Variants in ICAM5 observed in about 807,000 individuals in gnomAD.
ICAM5 encodes the protein ICAM-5.
In ICAM5, 38 loss-of-function variants were observed where a neutral mutation model predicts 78.8. The ratio of observed to expected loss-of-function variants is 0.48; its 90% CI spans 0.37 to 0.63. The LOEUF (loss-of-function observed/expected upper bound fraction) is 0.63. Among genes scored for constraint, ICAM5 ranks in the 30% least tolerant of loss-of-function variants. The probability of loss-of-function intolerance (pLI) is 0.00; values close to 1 mark genes in which losing one functional copy is unlikely to be tolerated. For missense variants in ICAM5, 1,059 were observed against 1,303.0 expected (o/e 0.81, Z 2.88); for synonymous variants, 544 against 590.9 (o/e 0.92, Z 1.15).
In ICAM5 at chr19:10,292,083, T is replaced by C. The variant is rs750136766; in HGVS notation, c.722T>C (p.Val241Ala). Residue 241 changes from valine (V) to alanine (A), a missense_variant, in exon 4 of 11, where the codon GTT becomes GCT. Val to Ala is a moderately conservative substitution (Grantham distance 64). Coordinates refer to ENST00000221980, the MANE Select transcript of ICAM5 (RefSeq NM_003259.4). The stretch of plus-strand genomic sequence containing the variant: ...CTCGCTGCTCCCCGGCTCTTGGAAG[T>C]TGGCTCGGAAAGGCCCGTGAGCTGC... Reference protein sequence around the residue: ...PRLAAPRLLEVGSERPVSCTL... With the variant: ...PRLAAPRLLEAGSERPVSCTL... 1.1e-5 allele frequency: 17 copies of C among 1,612,836 alleles called. No individual in the cohort carries two copies. Among genetic ancestry groups the C allele is most frequent in the Admixed American group, 5.0e-5 (3 of 60,008 alleles).
chr19:10,296,372 CG>C lies in ICAM5; in HGVS notation c.2537del (p.Gly846AlafsTer39). ...CTATGGGTCGCCGTGGGCGGCGCGGCGGGGGGCGCGGCGCTGCTGGCCGCGG... is the reference window on the plus strand; with the variant it reads ...CTATGGGTCGCCGTGGGCGGCGCGGCGGGGGCGCGGCGCTGCTGGCCGCGG... ...PWLWVAVGGA[A>X]GGAALLAAGA... On this transcript the variant is annotated frameshift_variant, in exon 11 of 11. Coordinates refer to ENST00000221980, the MANE Select transcript of ICAM5 (RefSeq NM_003259.4). LOFTEE classifies it high-confidence loss of function. 5.6e-6 allele frequency: 7 copies of C among 1,253,964 alleles called. No homozygotes were observed. The highest frequency in any genetic ancestry group is 6.6e-5 in the South Asian group (2 of 30,408). 77.7% of individuals were successfully genotyped at this position (1,253,964 alleles called of 1,614,324 possible).
In ICAM5 at chr19:10,295,682, CG is replaced by C. The variant is rs1229470937; in HGVS notation, c.2497+72del. 7.6e-6 allele frequency: 11 copies of C among 1,453,360 alleles called. No individual in the cohort carries two copies. The African/African-American group carries it at 1.4e-4, about 19-fold the overall frequency. 90.0% of individuals were successfully genotyped at this position (1,453,360 alleles called of 1,614,324 possible). On this transcript the variant is annotated intron_variant, in intron 10 of 10. Transcript: ENST00000221980. ...GGCGTGACCTGGGTCTTGGGGCGGC[CG>C]GCCCCGCCTGCCTCCCTCTCGGTCC... is the stretch of plus-strand genomic sequence containing the variant.
rs368208108 is a variant in ICAM5 at position 10,293,253 on chromosome 19, G to A, written c.1465+7G>A. The A allele has an allele frequency of 1.3e-6, 2 of 1,569,342 alleles. No individual in the cohort carries two copies. The highest frequency in any genetic ancestry group is 1.7e-6 in the Non-Finnish European group (2 of 1,157,170). On this transcript the variant is annotated splice_region_variant and intron_variant, in intron 6 of 10. Coordinates refer to ENST00000221980, the MANE Select transcript of ICAM5 (RefSeq NM_003259.4). The surrounding 1 kb of genome is among the most constrained non-coding windows in gnomAD (Gnocchi z 5.0). ...GTAACGCTAACGGTGGAGTGTGAGT[G>A]GGGGTGCGCAGGGTGCATTTCTATC... is the stretch of plus-strand genomic sequence containing the variant.
In ICAM5 at chr19:10,296,529, C is replaced by A; in HGVS notation, c.2688C>A (p.Gly896=). ...GAGGGAGGAA[G]AEGGPEAAGG... ...GCGGCGGCGCTGGCGGGGCGGCAGG[C>A]GCGGAGGGCGGACCCGAGGCGGCGG... The change falls in exon 11 of 11, where the codon GGC becomes GGA. Residue 896 remains glycine (G), a synonymous_variant. Coordinates refer to ENST00000221980, the MANE Select transcript of ICAM5 (RefSeq NM_003259.4). 1 of 1,204,846 alleles carries A rather than the reference C, an allele frequency of 8.3e-7. No individual in the cohort carries two copies. The highest frequency in any genetic ancestry group is 1.0e-6 in the Non-Finnish European group (1 of 955,954). 74.6% of individuals were successfully genotyped at this position (1,204,846 alleles called of 1,614,324 possible). A position where few individuals can be genotyped will look rare whatever the true frequency, so the allele number is the denominator to read the frequency against.
chr19:10,292,326 A>G lies in ICAM5; in HGVS notation c.961+4A>G. 1 of 1,588,228 alleles carries G rather than the reference A, an allele frequency of 6.3e-7. No individual in the cohort carries two copies. The stretch of plus-strand genomic sequence containing the variant: ...CGGGAGAACGTGACCATCTACAGTA[A>G]GGAAGGAGGCGGGGTCTCCGCGGCT... On this transcript the variant is annotated splice_donor_region_variant and intron_variant, in intron 4 of 10. Transcript: ENST00000221980.
In ICAM5 at chr19:10,290,349, T is replaced by C; in HGVS notation, c.82+224T>C. 2.1e-6 allele frequency: 1 copy of C among 484,976 alleles called. No individual in the cohort carries two copies. The highest frequency in any genetic ancestry group is 3.6e-6 in the Non-Finnish European group (1 of 274,306). The allele number at this position is 484,976 out of a possible 1,614,324, so 30.0% of individuals were successfully genotyped here. Reference sequence around the variant, plus strand: ...CTACCCGCTTCGAGATCCTAGGTGTTCTTCCGCACCCAACCCTTCGCCCTG... The same window carrying C: ...CTACCCGCTTCGAGATCCTAGGTGTCCTTCCGCACCCAACCCTTCGCCCTG... On this transcript the variant is annotated intron_variant, in intron 1 of 10. Transcript: ENST00000221980. The surrounding 1 kb of genome is among the most constrained non-coding windows in gnomAD (Gnocchi z 5.7).
rs1223211444 is a variant in ICAM5 at position 10,294,543 on chromosome 19, G to A, written c.2133G>A (p.Glu711=). The A allele has an allele frequency of 6.2e-6, 10 of 1,612,234 alleles. No homozygotes were observed. Among genetic ancestry groups the A allele is most frequent in the African/African-American group, 1.3e-5 (1 of 75,038 alleles). ...RCSREGIPWP[E]QQRVSREDAG... Reference sequence around the variant, plus strand: ...CTCGGGAAGGCATCCCATGGCCTGAGCAGCAGCGCGTGTCCCGAGAGGACG... The same window carrying A: ...CTCGGGAAGGCATCCCATGGCCTGAACAGCAGCGCGTGTCCCGAGAGGACG... The change falls in exon 9 of 11, where the codon GAG becomes GAA. Residue 711 remains glutamate (E), a synonymous_variant. Coordinates refer to ENST00000221980, the MANE Select transcript of ICAM5 (RefSeq NM_003259.4). The surrounding 1 kb of genome is among the most constrained non-coding windows in gnomAD (Gnocchi z 7.7).
Position 10,294,241 on chromosome 19 carries a change from T to G in ICAM5, c.1913T>G (p.Leu638Arg). 1 of 1,613,898 alleles carries G rather than the reference T, an allele frequency of 6.2e-7. No individual in the cohort carries two copies. The change falls in exon 8 of 11, where the codon CTG becomes CGG. Residue 638 changes from leucine (L) to arginine (R), a missense_variant. Leu to Arg is a moderately radical substitution (Grantham distance 102). Transcript: ENST00000221980. The surrounding 1 kb of genome is among the most constrained non-coding windows in gnomAD (Gnocchi z 7.7). ...AGAGCTCCCAGAATCCCTAGAGTCC[T>G]GGCACCCGGTATCTACGTCTGCAAC... ...SPRAPRIPRV[L>R]APGIYVCNAT... is the part of the protein sequence containing the mutation.
In ICAM5 at chr19:10,292,523, C is replaced by T; in HGVS notation, c.962-89C>T. ...GCGCCGTACCCTAGTTCGTTCTCAGCACCCCGAGGATTCGGGCAGATAAGG... is the reference window on the plus strand; with the variant it reads ...GCGCCGTACCCTAGTTCGTTCTCAGTACCCCGAGGATTCGGGCAGATAAGG... On this transcript the variant is annotated intron_variant, in intron 4 of 10. Transcript: ENST00000221980. The T allele has an allele frequency of 2.0e-6, 3 of 1,489,048 alleles. No individual in the cohort carries two copies. The Admixed American group carries it at 6.7e-5, about 33-fold the overall frequency. 92.2% of individuals were successfully genotyped at this position (1,489,048 alleles called of 1,614,324 possible).
Position 10,291,673 on chromosome 19 carries a change from G to T in ICAM5, c.537G>T (p.Ala179=), listed in dbSNP as rs763432638. 1.1e-5 allele frequency: 17 copies of T among 1,612,332 alleles called. 1 individual carries two copies. The South Asian group carries it at 1.9e-4, about 18-fold the overall frequency. Residue 179 remains alanine, a synonymous_variant, in exon 3 of 11, where the codon GCG becomes GCT. Coordinates refer to ENST00000221980, the MANE Select transcript of ICAM5 (RefSeq NM_003259.4). The stretch of plus-strand genomic sequence containing the variant: ...GTGAACCACCCCGAGCGCGGGGCGC[G>T]GTGCTCACAGCCACGGTACTGGCTC... The part of the protein sequence containing the change: ...FAGEPPRARG[A]VLTATVLARR...
In ICAM5 at chr19:10,293,132, G is replaced by A; in HGVS notation, c.1351G>A (p.Val451Met). Residue 451 changes from valine to methionine, a missense_variant, in exon 6 of 11, where the codon GTG becomes ATG. Val to Met is a conservative substitution (Grantham distance 21, BLOSUM62 1). This residue lies in a region of ICAM5 where 815 missense variants were observed against 952.8 expected (regional missense o/e 0.86). Coordinates refer to ENST00000221980, the MANE Select transcript of ICAM5 (RefSeq NM_003259.4). This position sits in a 1 kb window ranked among gnomAD's most constrained non-coding sequence, Gnocchi z 5.0. ...VHCARSDGGAVLALGLLGPVT... is the reference protein window; with the variant it reads ...VHCARSDGGAMLALGLLGPVT... ...CTGTGCGCGCTCCGACGGCGGGGCCGTGCTGGCTCTGGGCCTGCTGGGTCC... is the reference window on the plus strand; with the variant it reads ...CTGTGCGCGCTCCGACGGCGGGGCCATGCTGGCTCTGGGCCTGCTGGGTCC... The A allele has an allele frequency of 6.2e-7, 1 of 1,609,788 alleles. No individual in the cohort carries two copies. Among genetic ancestry groups the A allele is most frequent in the Non-Finnish European group, 8.5e-7 (1 of 1,178,280 alleles).
Position 10,292,872 on chromosome 19 carries a change from T to A in ICAM5, c.1216+6T>A. On this transcript the variant is annotated splice_donor_region_variant and intron_variant, in intron 5 of 10. Coordinates refer to ENST00000221980, the MANE Select transcript of ICAM5 (RefSeq NM_003259.4). ...CGCAGAGCTTCGTGTCCTATGTGAG[T>A]TGGTGATAACCCCTCGCCCCCCACC... is the stretch of plus-strand genomic sequence containing the variant. 6.2e-7 allele frequency: 1 copy of A among 1,610,502 alleles called. No individual in the cohort carries two copies. The highest frequency in any genetic ancestry group is 8.5e-7 in the Non-Finnish European group (1 of 1,178,386).
chr19:10,291,452 C>A, intron 2 of ICAM5, 37 bp from the exon 3 acceptor site: 1 of 1,610,302 alleles, frequency 6.2e-7, no homozygotes, highest in Non-Finnish European at 8.5e-7. Flanking sequence ...TTCCAAGTCC[C>A]GGTGTTCAAA....
chr19:10,291,455 T>C (rs901886), intron 2 of ICAM5, 34 bp from the exon 3 acceptor site: 755,187 of 1,609,550 alleles, frequency 0.47, 182,821 homozygotes, highest in Admixed American at 0.59. Flanking sequence ...CAAGTCCCGG[T>C]GTTCAAAGAG....
chr19:10,291,623 G>A lies in ICAM5; in HGVS notation c.487G>A (p.Glu163Lys), dbSNP rs369314723. The change falls in exon 3 of 11, where the codon GAG becomes AAG. Residue 163 changes from glutamate to lysine, a missense_variant. Coordinates refer to ENST00000221980, the MANE Select transcript of ICAM5 (RefSeq NM_003259.4). ...LTLTLLRGAQ[E>K]LIRRSFAGEP... is the part of the protein sequence containing the mutation. Reference sequence around the variant, plus strand: ...GCTGACCCTGCTGCGGGGCGCCCAGGAGCTGATCCGCCGCAGCTTCGCCGG... The same window carrying A: ...GCTGACCCTGCTGCGGGGCGCCCAGAAGCTGATCCGCCGCAGCTTCGCCGG... The A allele has an allele frequency of 5.9e-5, 95 of 1,611,482 alleles. No homozygotes were observed. The highest frequency in any genetic ancestry group is 7.7e-5 in the Non-Finnish European group (91 of 1,179,400).
intron 4 of ICAM5, 109 bp from the exon 5 acceptor site, chr19:10,292,503 G>C (rs578085799): frequency 6.9e-7 from 1 of 1,441,528 alleles, no homozygotes; most frequent in Non-Finnish European, 9.4e-7. Flanking sequence ...GCGGGGCGCC[G>C]TACCCTAGTT....
Position 10,291,615 on chromosome 19 carries a change from G to C in ICAM5, c.479G>C (p.Gly160Ala), listed in dbSNP as rs1206289133. The change falls in exon 3 of 11, where the codon GGC becomes GCC. Residue 160 changes from glycine to alanine, a missense_variant. Transcript: ENST00000221980. ...AGCCTCACGCTGACCCTGCTGCGGG[G>C]CGCCCAGGAGCTGATCCGCCGCAGC... The part of the protein sequence containing the change: ...RASLTLTLLR[G>A]AQELIRRSFA... The C allele has an allele frequency of 6.2e-7, 1 of 1,611,486 alleles. No individual in the cohort carries two copies. The highest frequency in any genetic ancestry group is 8.5e-7 in the Non-Finnish European group (1 of 1,179,422).
chr19:10,293,664 A>C lies in ICAM5; in HGVS notation c.1466-34A>C, dbSNP rs1178470893. 5.6e-6 allele frequency: 9 copies of C among 1,601,544 alleles called. No homozygotes were observed. The highest frequency in any genetic ancestry group is 7.7e-6 in the Non-Finnish European group (9 of 1,171,632). On this transcript the variant is annotated intron_variant, in intron 6 of 10. Coordinates refer to ENST00000221980, the MANE Select transcript of ICAM5 (RefSeq NM_003259.4). The surrounding 1 kb of genome is among the most constrained non-coding windows in gnomAD (Gnocchi z 5.0). ...TCTAGGGACGTCAGATTTGCCCCCA[A>C]ACCCCAAAGCCAACAATACACTCCC...
At position 10,290,713 on chromosome 19, in the gene ICAM5, A is replaced by G; in HGVS notation, c.83-359A>G. ...ATCCCGGCATTCTGCCAGGACCCTG[A>G]GAACTGGTTCATCCCCCATCCCCCA... On this transcript the variant is annotated intron_variant, in intron 1 of 10. Coordinates refer to ENST00000221980, the MANE Select transcript of ICAM5 (RefSeq NM_003259.4). The surrounding 1 kb of genome is among the most constrained non-coding windows in gnomAD (Gnocchi z 5.7). 2.8e-6 allele frequency: 1 copy of G among 358,036 alleles called. No individual in the cohort carries two copies. Among genetic ancestry groups the G allele is most frequent in the Admixed American group, 4.4e-5 (1 of 22,842 alleles). 22.2% of individuals were successfully genotyped at this position (358,036 alleles called of 1,614,324 possible). A position where few individuals can be genotyped will look rare whatever the true frequency, so the allele number is the denominator to read the frequency against.
Sources: gnomAD v4.1 joint callset for allele counts on GRCh38, gnomAD v4.1.1 for gene constraint, gnomAD v4.1.1 regional missense constraint, Gnocchi (gnomAD v3.1) non-coding constraint, MANE v1.5 for transcripts, NCBI Gene and HGNC (gene_info 2026-07-23, HGNC 2026-07-21) for gene names.